Variants in TSPAN9 observed in about 807,000 individuals in gnomAD.
TSPAN9 encodes tetraspanin-9.
A neutral mutation model predicts 31.0 loss-of-function variants in TSPAN9; 16 were observed. The ratio of observed to expected loss-of-function variants is 0.52; its 90% confidence interval spans 0.35 to 0.78. The LOEUF (loss-of-function observed/expected upper bound fraction) is 0.78. TSPAN9 is among the 30% of genes least tolerant of loss of function. The probability of loss-of-function intolerance (pLI) is 0.01; values close to 1 mark genes in which losing one functional copy is unlikely to be tolerated. For missense variants in TSPAN9, 272 were observed against 312.5 expected (o/e 0.87, Z 0.98); for synonymous variants, 145 against 121.6 (o/e 1.19, Z -1.27).
chr12:3,268,757 C>T (rs1447476304), intron 3 of TSPAN9, among the ~76,000 whole-genome samples: 4 of 75,732 alleles, frequency 5.3e-5, no homozygotes, highest in African/African-American at 4.7e-5. Flanking sequence ...GCCCTCCGTG[C>T]GTTTCTGCAG....
At chr12:3,254,018 G>A (rs1470440792) in intron 3 of TSPAN9, among the ~76,000 whole-genome samples, 1 of 152,152 alleles carries the variant, frequency 6.6e-6, no homozygotes, top group Non-Finnish European at 1.5e-5. Context: ...GCGTCAAATG[G>A]GGCTGGGAAC....
intron 2 of TSPAN9, among the ~76,000 whole-genome samples, chr12:3,191,751 A>G (rs1234036571): frequency 2.6e-5 from 4 of 152,230 alleles, no homozygotes; most frequent in African/African-American, 9.6e-5. Context: ...TGAGGGAGAC[A>G]TAGGCAGTCT....
At chr12:3,262,767 C>G (rs1162044954) in intron 3 of TSPAN9, among the ~76,000 whole-genome samples, 1 of 152,152 alleles carries the variant, frequency 6.6e-6, no homozygotes, top group Non-Finnish European at 1.5e-5. Context: ...GTAATTGATT[C>G]TGACTGATAT....
intron 3 of TSPAN9, among the ~76,000 whole-genome samples, chr12:3,213,078 T>C (rs1254977857): frequency 1.3e-5 from 2 of 152,114 alleles, no homozygotes; most frequent in Non-Finnish European, 2.9e-5. Flanking sequence ...TAGGAATTGC[T>C]TGGGTACAGC....
chr12:3,089,556 A>G (rs58152387), intron 2 of TSPAN9, among the ~76,000 whole-genome samples: 3 of 151,896 alleles, frequency 2.0e-5, no homozygotes, highest in Admixed American at 6.6e-5. Flanking sequence ...TGGCCTCCCA[A>G]AGTGCTGGGA....
chr12:3,178,651 A>G (rs139527702), intron 2 of TSPAN9, among the ~76,000 whole-genome samples: 1 of 152,336 alleles, frequency 6.6e-6, no homozygotes, highest in East Asian at 1.9e-4. Context: ...TAGGCACTCC[A>G]TAAACATCTC....
intron 2 of TSPAN9, among the ~76,000 whole-genome samples, chr12:3,126,804 T>G (rs978089552): frequency 1.1e-4 from 16 of 151,788 alleles, no homozygotes; most frequent in Non-Finnish European, 1.9e-4. Flanking sequence ...TGCTTGAGTG[T>G]AGGAGGTGGA....
At chr12:3,256,590 A>C (rs1257542512) in intron 3 of TSPAN9, among the ~76,000 whole-genome samples, 1 of 152,178 alleles carries the variant, frequency 6.6e-6, no homozygotes, top group East Asian at 1.9e-4. Flanking sequence ...GATGAGGTTA[A>C]ATTCGGCCTT....
Position 3,219,429 on chromosome 12 carries a change from C to T in TSPAN9, c.63+18173C>T, listed in dbSNP as rs113566202. ...AGCTGTGTTTGCTCAGCCGCAGTAC[C>T]GACCCCCATCTCCCGGTGTGGGTCG... On this transcript the variant is annotated intron_variant, in intron 3 of 8. Transcript: ENST00000011898. Among the ~76,000 whole-genome samples, 1,012 of 152,256 alleles carry T rather than the reference C, an allele frequency of 6.6e-3. 5 individuals are homozygous for T. The highest frequency in any genetic ancestry group is 0.034 in the Middle Eastern group (10 of 294).
chr12:3,129,146 A>AT (rs1259962823), intron 2 of TSPAN9, among the ~76,000 whole-genome samples: 1 of 151,916 alleles, frequency 6.6e-6, no homozygotes, highest in East Asian at 1.9e-4. Context: ...TATATGCCAC[A>AT]TTTTTTTGCC....
intron 3 of TSPAN9, among the ~76,000 whole-genome samples, chr12:3,257,387 A>G (rs1289780732): frequency 6.6e-6 from 1 of 151,822 alleles, no homozygotes; most frequent in Non-Finnish European, 1.5e-5. Context: ...GCTGGGATTT[A>G]TAGACCATAC....
chr12:3,095,249 A>G (rs2098307458), intron 2 of TSPAN9, among the ~76,000 whole-genome samples: 1 of 136,134 alleles, frequency 7.3e-6, no homozygotes, highest in African/African-American at 2.8e-5. Context: ...GAACAAAATG[A>G]AAAGTCTCCC....
chr12:3,247,428 C>CT (rs1391256517), intron 3 of TSPAN9, among the ~76,000 whole-genome samples: 4 of 151,976 alleles, frequency 2.6e-5, no homozygotes, highest in Admixed American at 6.5e-5. Flanking sequence ...GCCTTTGACT[C>CT]TAAGTCTTCA....
intron 2 of TSPAN9, among the ~76,000 whole-genome samples, chr12:3,096,539 ATG>A (rs1275588461): frequency 6.6e-6 from 1 of 151,988 alleles, no homozygotes; most frequent in African/African-American, 2.4e-5. Flanking sequence ...TTTTGAATGA[ATG>A]AATGAATGAA....
At chr12:3,204,518 G>T (rs2098373931) in intron 3 of TSPAN9, among the ~76,000 whole-genome samples, 1 of 152,146 alleles carries the variant, frequency 6.6e-6, no homozygotes. Flanking sequence ...CTGCCTGCCT[G>T]TGGGGGTCCA....
chr12:3,089,344 T>C (rs1401560017), intron 2 of TSPAN9, among the ~76,000 whole-genome samples: 1 of 140,676 alleles, frequency 7.1e-6, no homozygotes, highest in Non-Finnish European at 1.5e-5. Context: ...TCCCCCAGGC[T>C]GGAGTGCAGT....
intron 2 of TSPAN9, among the ~76,000 whole-genome samples, chr12:3,199,578 G>C (rs2098369912): frequency 6.6e-6 from 1 of 152,230 alleles, no homozygotes; most frequent in East Asian, 1.9e-4. Flanking sequence ...GGCACAGGCG[G>C]GGTGAGGAAA....
At chr12:3,258,526 G>T (rs1654230650) in intron 3 of TSPAN9, among the ~76,000 whole-genome samples, 1 of 152,168 alleles carries the variant, frequency 6.6e-6, no homozygotes. Flanking sequence ...GGTCGTGGGA[G>T]CCTTGACTAA....
intron 3 of TSPAN9, among the ~76,000 whole-genome samples, chr12:3,263,526 C>T (rs1051631202): frequency 4.6e-5 from 7 of 152,206 alleles, no homozygotes; most frequent in African/African-American, 1.2e-4. Context: ...AGCAACGCAC[C>T]GGCCTGGGGA....
Sources: gnomAD v4.1 joint callset for allele counts (sites outside exome capture counted in the v4.1 genomes callset) on GRCh38, gnomAD v4.1.1 for gene constraint, MANE v1.5 for transcripts, NCBI Gene and HGNC (gene_info 2026-07-23, HGNC 2026-07-21) for gene names.